PLXDC2: variants seen among roughly 807,000 people sequenced by gnomAD.
The protein encoded by PLXDC2 is plexin domain-containing protein 2.
PLXDC2 carries 40 observed loss-of-function variants against 68.9 expected under a neutral mutation model. The observed-to-expected ratio is 0.58, with a 90% CI of 0.45 to 0.76. The LOEUF (loss-of-function observed/expected upper bound fraction) is 0.76. Ranked by LOEUF, PLXDC2 falls within the 30% of genes least tolerant of loss-of-function variation. The pLI is 0.00. For missense variants in PLXDC2, 644 were observed against 661.9 expected (o/e 0.97, Z 0.30); for synonymous variants, 243 against 234.2 (o/e 1.04, Z -0.34).
At chr10:20,237,900 A>G (rs1835455388) in intron 12 of PLXDC2, among the ~76,000 whole-genome samples, 1 of 152,186 alleles carries the variant, frequency 6.6e-6, no homozygotes, top group African/African-American at 2.4e-5. Context: ...AGTGAATAAA[A>G]TTTCAGACAA....
chr10:20,271,040 A>G (rs1330374935), intron 13 of PLXDC2, among the ~76,000 whole-genome samples: 1 of 151,994 alleles, frequency 6.6e-6, no homozygotes, highest in African/African-American at 2.4e-5. Context: ...CCAAGAGAAT[A>G]AAGAGTTGGG....
intron 2 of PLXDC2, among the ~76,000 whole-genome samples, chr10:20,020,177 A>ATTTTTTTTTTTTT (rs1564659038): frequency 5.1e-5 from 5 of 98,186 alleles, no homozygotes; most frequent in African/African-American, 2.2e-4. Flanking sequence ...ACACCCAGCA[A>ATTTTTTTTTTTTT]ATTTTTTTTT....
intron 1 of PLXDC2, among the ~76,000 whole-genome samples, chr10:19,947,019 A>G (rs1409573942): frequency 6.6e-6 from 1 of 152,066 alleles, no homozygotes; most frequent in Non-Finnish European, 1.5e-5. Flanking sequence ...TCTGATCTCA[A>G]GGGTCCTTAT....
At chr10:19,872,741 A>G (rs925025459) in intron 1 of PLXDC2, among the ~76,000 whole-genome samples, 1 of 152,084 alleles carries the variant, frequency 6.6e-6, no homozygotes, top group Non-Finnish European at 1.5e-5. Flanking sequence ...GTCGGCATCC[A>G]TGAGTTCCCT....
At chr10:20,172,167 T>G (rs1174483972) in intron 7 of PLXDC2, among the ~76,000 whole-genome samples, 13 of 151,146 alleles carry the variant, frequency 8.6e-5, no homozygotes, top group Admixed American at 7.9e-4. Context: ...TTTGGGATAT[T>G]GTTTTCTGAG....
intron 1 of PLXDC2, among the ~76,000 whole-genome samples, chr10:19,970,401 A>T (rs1164916679): frequency 6.6e-6 from 1 of 152,226 alleles, no homozygotes; most frequent in Non-Finnish European, 1.5e-5. Flanking sequence ...AAGACAGTTC[A>T]TATGAGGGAA....
chr10:19,934,647 G>A (rs1230087425), intron 1 of PLXDC2, among the ~76,000 whole-genome samples: 1 of 152,174 alleles, frequency 6.6e-6, no homozygotes, highest in South Asian at 2.1e-4. Context: ...GAAAGATTAT[G>A]GGCATAGCTT....
intron 1 of PLXDC2, among the ~76,000 whole-genome samples, chr10:19,874,158 GA>G (rs1837592940): frequency 6.6e-6 from 1 of 152,200 alleles, no homozygotes; most frequent in African/African-American, 2.4e-5. Context: ...TCCTGCCAAT[GA>G]AATCAGCAGC....
intron 3 of PLXDC2, among the ~76,000 whole-genome samples, chr10:20,064,840 G>C (rs1836175448): frequency 6.6e-6 from 1 of 152,074 alleles, no homozygotes; most frequent in South Asian, 2.1e-4. Flanking sequence ...CCAGCCTCCT[G>C]ACCTCCAGTG....
At chr10:20,114,598 G>A (rs911312665) in intron 4 of PLXDC2, among the ~76,000 whole-genome samples, 87 of 152,316 alleles carry the variant, frequency 5.7e-4, no homozygotes, top group African/African-American at 2.0e-3. Context: ...ACCACAAAGG[G>A]TGTAATCAGG....
At chr10:19,902,476 C>T (rs934962879) in intron 1 of PLXDC2, among the ~76,000 whole-genome samples, 4 of 152,060 alleles carry the variant, frequency 2.6e-5, no homozygotes, top group Non-Finnish European at 4.4e-5. Flanking sequence ...ATTTGATTCT[C>T]AGCTTGGTTG....
chr10:20,126,397 A>ACGT (rs1833781329), intron 4 of PLXDC2, among the ~76,000 whole-genome samples: 4 of 145,846 alleles, frequency 2.7e-5, no homozygotes, highest in African/African-American at 9.9e-5. Flanking sequence ...TATATAATAC[A>ACGT]TATATGTATA....
chr10:20,253,370 G>GATGATA (rs1554778908), intron 13 of PLXDC2, among the ~76,000 whole-genome samples: 4 of 145,576 alleles, frequency 2.7e-5, no homozygotes, highest in African/African-American at 1.0e-4. Flanking sequence ...GTCTCAAAAT[G>GATGATA]ATAATAATAA....
At chr10:19,896,518 A>G (rs532318139) in intron 1 of PLXDC2, among the ~76,000 whole-genome samples, 3 of 152,354 alleles carry the variant, frequency 2.0e-5, no homozygotes, top group South Asian at 4.1e-4. Flanking sequence ...AATGCTTGTT[A>G]TTAATAAGTC....
intron 1 of PLXDC2, among the ~76,000 whole-genome samples, chr10:19,949,218 T>G (rs1833956493): frequency 6.6e-6 from 1 of 151,998 alleles, no homozygotes; most frequent in Admixed American, 6.6e-5. Flanking sequence ...CTGATATTCA[T>G]TCTGGAAGAG....
chr10:20,162,390 C>CTT (rs1834311921), intron 6 of PLXDC2, among the ~76,000 whole-genome samples: 1 of 152,024 alleles, frequency 6.6e-6, no homozygotes, highest in Admixed American at 6.6e-5. Context: ...AATAAATTAC[C>CTT]ACAGAATCAT....
chr10:20,168,276 T>C (rs1834400501), intron 7 of PLXDC2, among the ~76,000 whole-genome samples: 1 of 152,198 alleles, frequency 6.6e-6, no homozygotes, highest in Non-Finnish European at 1.5e-5. Flanking sequence ...TTTCTTTCTA[T>C]ATAAAATGAG....
intron 13 of PLXDC2, among the ~76,000 whole-genome samples, chr10:20,263,624 G>A (rs2778970): frequency 0.46 from 70,104 of 151,464 alleles, 17,719 homozygotes; most frequent in Middle Eastern, 0.63. Context: ...AAATTTACAA[G>A]AGAAAAACAA....
At chr10:20,068,588 T>G (rs1476528839) in intron 4 of PLXDC2, among the ~76,000 whole-genome samples, 1 of 148,482 alleles carries the variant, frequency 6.7e-6, no homozygotes, top group African/African-American at 2.4e-5. Flanking sequence ...AATTTTCTTT[T>G]AATGTATATA....
Sources: gnomAD v4.1 joint callset for allele counts (sites outside exome capture counted in the v4.1 genomes callset) on GRCh38, gnomAD v4.1.1 for gene constraint, MANE v1.5 for transcripts, NCBI Gene and HGNC (gene_info 2026-07-23, HGNC 2026-07-21) for gene names.